Variants in LRFN2 observed in about 807,000 individuals in gnomAD.
The protein encoded by LRFN2 is leucine-rich repeat and fibronectin type-III domain-containing protein 2.
In LRFN2, 18 loss-of-function variants were observed where a neutral mutation model predicts 37.3. The observed-to-expected ratio is 0.48, with a 90% CI of 0.33 to 0.72. LRFN2 has a LOEUF of 0.72. Among genes scored for constraint, LRFN2 ranks in the 30% least tolerant of loss-of-function variants. LRFN2 has a pLI of 0.02. For missense variants in LRFN2, 1,006 were observed against 1,060.7 expected (o/e 0.95, Z 0.72); for synonymous variants, 556 against 466.6 (o/e 1.19, Z -2.47).
intron 1 of LRFN2, among the ~76,000 whole-genome samples, chr6:40,487,435 G>C (rs1018073283): frequency 1.3e-5 from 2 of 152,212 alleles, no homozygotes; most frequent in Admixed American, 6.5e-5. Context: ...ATGAGTTCTT[G>C]CTTCTTCCCT....
chr6:40,543,933 C>T (rs1051652334), intron 1 of LRFN2, among the ~76,000 whole-genome samples: 5 of 152,328 alleles, frequency 3.3e-5, no homozygotes, highest in South Asian at 2.1e-4. Context: ...GGACTTGGGC[C>T]TGACACACTC....
At chr6:40,435,257 C>T (rs1276865710) in intron 1 of LRFN2, among the ~76,000 whole-genome samples, 1 of 149,488 alleles carries the variant, frequency 6.7e-6, no homozygotes, top group Non-Finnish European at 1.5e-5. Context: ...AACTCCTGGG[C>T]TCAAGTGATT....
chr6:40,405,374 G>T (rs999827380), intron 2 of LRFN2, among the ~76,000 whole-genome samples: 5 of 152,140 alleles, frequency 3.3e-5, no homozygotes, highest in Non-Finnish European at 5.9e-5. Flanking sequence ...TAATCTCTCT[G>T]TGTTTGCTTC....
At chr6:40,510,639 C>T (rs1160642372) in intron 1 of LRFN2, among the ~76,000 whole-genome samples, 1 of 152,232 alleles carries the variant, frequency 6.6e-6, no homozygotes, top group African/African-American at 2.4e-5. Context: ...TACATTCAAA[C>T]ACAGAAGCCA....
intron 2 of LRFN2, among the ~76,000 whole-genome samples, chr6:40,400,447 G>A: frequency 7.1e-6 from 1 of 140,980 alleles, no homozygotes; most frequent in Admixed American, 7.4e-5. Flanking sequence ...TTGAGATGGA[G>A]TCTTAGTCTG....
chr6:40,404,716 G>A lies in LRFN2; in HGVS notation c.1401-11804C>T, dbSNP rs138808952. ...GTGAGCCCTCATGCACCAAACAGGTGGGCCAGTCCAGGTGATGTTGTCCAG... is the reference window on the plus strand; with the variant it reads ...GTGAGCCCTCATGCACCAAACAGGTAGGCCAGTCCAGGTGATGTTGTCCAG... On this transcript the variant is annotated intron_variant, in intron 2 of 2. Transcript: ENST00000338305. Among the ~76,000 whole-genome samples the A allele has an allele frequency of 1.8e-3, 269 of 152,314 alleles. 1 individual carries two copies. Among genetic ancestry groups the A allele is most frequent in the Middle Eastern group, 6.8e-3 (2 of 294 alleles).
chr6:40,555,353 A>G (rs1766852016), intron 1 of LRFN2, among the ~76,000 whole-genome samples: 1 of 152,168 alleles, frequency 6.6e-6, no homozygotes, highest in Non-Finnish European at 1.5e-5. Flanking sequence ...GCTCACCCAC[A>G]GTAAGGAGGT....
chr6:40,564,773 C>T (rs565922197), intron 1 of LRFN2, among the ~76,000 whole-genome samples: 1 of 152,250 alleles, frequency 6.6e-6, no homozygotes, highest in South Asian at 2.1e-4. Context: ...AAAAATGCTT[C>T]TTAACAGCCC....
At chr6:40,577,812 A>C (rs1169286403) in intron 1 of LRFN2, among the ~76,000 whole-genome samples, 2 of 105,762 alleles carry the variant, frequency 1.9e-5, no homozygotes, top group Non-Finnish European at 4.1e-5. Context: ...AATAAATAAA[A>C]ATTAAAAAAA....
intron 1 of LRFN2, among the ~76,000 whole-genome samples, chr6:40,521,093 G>T (rs888135270): frequency 1.3e-5 from 2 of 152,150 alleles, no homozygotes; most frequent in African/African-American, 4.8e-5. Context: ...AGTCAGAGAG[G>T]ACTGTGCAGC....
intron 1 of LRFN2, among the ~76,000 whole-genome samples, chr6:40,454,888 G>A (rs1399104846): frequency 6.6e-6 from 1 of 152,110 alleles, no homozygotes; most frequent in Non-Finnish European, 1.5e-5. Context: ...TTGTATCCCT[G>A]AAAAGGACAC....
chr6:40,473,883 C>G (rs989529558), intron 1 of LRFN2, among the ~76,000 whole-genome samples: 4 of 152,092 alleles, frequency 2.6e-5, no homozygotes, highest in Admixed American at 2.6e-4. Context: ...CATCACCTAC[C>G]CAGGGATACA....
chr6:40,550,817 G>C (rs1164802063), intron 1 of LRFN2, among the ~76,000 whole-genome samples: 2 of 152,232 alleles, frequency 1.3e-5, no homozygotes, highest in Non-Finnish European at 2.9e-5. Context: ...AGGACTCACA[G>C]TGTTGAGAGA....
chr6:40,534,903 A>G (rs1766420815), intron 1 of LRFN2, among the ~76,000 whole-genome samples: 1 of 152,156 alleles, frequency 6.6e-6, no homozygotes, highest in African/African-American at 2.4e-5. Flanking sequence ...GAGTACCAGG[A>G]TCTCATTTCA....
rs183449019 is a variant in LRFN2 at position 40,432,430 on chromosome 6, G to A, written c.684C>T (p.Ala228=). The A allele has an allele frequency of 3.7e-6, 6 of 1,614,192 alleles. No individual in the cohort carries two copies. The highest frequency in any genetic ancestry group is 5.1e-6 in the Non-Finnish European group (6 of 1,180,046). The part of the protein sequence containing the change: ...FARSQASALT[A]TPFAPPLSFS... ...AGGACAAGGGTGGGGCAAAGGGTGT[G>A]GCTGTCAAAGCCGAAGCCTGGGAGC... The change falls in exon 2 of 3, where the codon GCC becomes GCT. Residue 228 remains alanine, a synonymous_variant. Coordinates refer to ENST00000338305, the MANE Select transcript of LRFN2 (RefSeq NM_020737.3).
chr6:40,430,280 T>C (rs891470150), intron 2 of LRFN2, among the ~76,000 whole-genome samples: 8 of 152,160 alleles, frequency 5.3e-5, no homozygotes, highest in African/African-American at 1.9e-4. Context: ...CTCAGTCACA[T>C]TGACTCTATT....
intron 1 of LRFN2, among the ~76,000 whole-genome samples, chr6:40,537,575 C>T (rs960142148): frequency 1.3e-5 from 2 of 152,186 alleles, no homozygotes; most frequent in Non-Finnish European, 2.9e-5. Flanking sequence ...TCCCTGACCA[C>T]TCTGACCCTT....
At chr6:40,498,911 T>C (rs917139722) in intron 1 of LRFN2, among the ~76,000 whole-genome samples, 1 of 152,214 alleles carries the variant, frequency 6.6e-6, no homozygotes, top group African/African-American at 2.4e-5. Flanking sequence ...GAAGCATGCT[T>C]GGGACTAGAG....
chr6:40,447,955 T>G (rs772204437), intron 1 of LRFN2, among the ~76,000 whole-genome samples: 6 of 152,180 alleles, frequency 3.9e-5, no homozygotes, highest in Non-Finnish European at 7.3e-5. Context: ...AATCACTTTA[T>G]AATCAAGCAC....
Sources: allele counts gnomAD v4.1 joint callset (sites outside exome capture counted in the v4.1 genomes callset), GRCh38; gene constraint gnomAD v4.1.1; transcripts MANE v1.5; gene names NCBI Gene and HGNC (gene_info 2026-07-23, HGNC 2026-07-21).